Variants in ALK observed in about 807,000 individuals in gnomAD.
ALK encodes the protein ALK receptor tyrosine kinase, also known as ALK tyrosine kinase receptor.
A neutral mutation model predicts 163.1 loss-of-function variants in ALK; 74 were observed. The observed-to-expected ratio is 0.45, with a 90% confidence interval of 0.38 to 0.55. The LOEUF (loss-of-function observed/expected upper bound fraction) is 0.55. Among genes scored for constraint, ALK ranks in the 20% least tolerant of loss-of-function variants. The probability of loss-of-function intolerance (pLI) is 0.00; values close to 1 mark genes in which losing one functional copy is unlikely to be tolerated. For synonymous variants in ALK, 960 were observed against 843.2 expected, an observed-to-expected ratio of 1.14 and a Z score of -2.40; for missense variants, 2,063 against 2,105.3, an observed-to-expected ratio of 0.98 and a Z score of 0.39.
chr2:29,921,572 C>G lies in ALK; in HGVS notation c.-913G>C. The G allele has an allele frequency of 4.3e-6, 1 of 230,978 alleles. No homozygotes were observed. The highest frequency in any genetic ancestry group is 8.6e-6 in the Non-Finnish European group (1 of 116,466). 14.3% of individuals were successfully genotyped at this position (230,978 alleles called of 1,614,324 possible). A position where few individuals can be genotyped will look rare whatever the true frequency, so the allele number is the denominator to read the frequency against. On this transcript the variant is annotated 5_prime_UTR_variant, in exon 1 of 29. Transcript: ENST00000389048. ...CTACCACCGCTGCCGCCCCCAGAGC[C>G]GCTGGATCGCATCTGCCTGGGCGCC...
chr2:29,260,760 G>C (rs897430699), intron 11 of ALK, among the ~76,000 whole-genome samples: 3 of 152,118 alleles, frequency 2.0e-5, no homozygotes, highest in Non-Finnish European at 2.9e-5. Flanking sequence ...CCTGAAGCCA[G>C]GAGGCTGAGG....
At chr2:29,695,094 G>C (rs576904785) in intron 2 of ALK, 80 bp from the exon 3 acceptor site, 1 of 1,550,250 alleles carries the variant, frequency 6.5e-7, no homozygotes, top group South Asian at 1.1e-5. Context: ...CACACTAGGA[G>C]GTTGGCCTTC....
chr2:29,429,831 G>C (rs1056205638), intron 4 of ALK, among the ~76,000 whole-genome samples: 1 of 152,098 alleles, frequency 6.6e-6, no homozygotes, highest in Non-Finnish European at 1.5e-5. Flanking sequence ...ACTTACTGCA[G>C]TGTAATTGCA....
intron 3 of ALK, among the ~76,000 whole-genome samples, chr2:29,539,089 C>A (rs947445419): frequency 6.6e-6 from 1 of 151,930 alleles, no homozygotes; most frequent in Non-Finnish European, 1.5e-5. Flanking sequence ...TTTACCTTGT[C>A]AAGATTGTGT....
Position 29,434,415 on chromosome 2 carries a change from T to A in ALK, c.1155-50556A>T, listed in dbSNP as rs576272613. 2.0e-5 allele frequency among the ~76,000 whole-genome samples: 3 copies of A among 152,316 alleles called. No individual in the cohort carries two copies. In the South Asian group the frequency reaches 6.2e-4, roughly 32 times the overall value. On this transcript the variant is annotated intron_variant, in intron 4 of 28. Transcript: ENST00000389048. ...GTCTCCTGGGAATATCAAATTCATA[T>A]TGATTGTTCTCTGATGCATAATTTG...
chr2:29,267,856 A>G (rs1413996117), intron 11 of ALK, among the ~76,000 whole-genome samples: 1 of 152,226 alleles, frequency 6.6e-6, no homozygotes, highest in East Asian at 1.9e-4. Context: ...GAGAAGAATG[A>G]TAAAAAAGCA....
At chr2:29,889,742 A>AGG (rs1310954348) in intron 1 of ALK, among the ~76,000 whole-genome samples, 10 of 120,476 alleles carry the variant, frequency 8.3e-5, no homozygotes, top group African/African-American at 3.1e-4. Flanking sequence ...AGAGAGAGAG[A>AGG]GAGAGAGAGA....
At position 29,281,167 on chromosome 2, in the gene ALK, G is replaced by T. The variant is rs143782923; in HGVS notation, c.1818-5671C>A. On this transcript the variant is annotated intron_variant, in intron 9 of 28. Transcript: ENST00000389048. Reference sequence around the variant, plus strand: ...GAAGGTTCTGACATATACCAGATGAGCCACCCTGGGTTTGGCTGAAAGAAA... The same window carrying T: ...GAAGGTTCTGACATATACCAGATGATCCACCCTGGGTTTGGCTGAAAGAAA... Among the ~76,000 whole-genome samples the T allele has an allele frequency of 2.8e-3, 424 of 152,324 alleles. 5 individuals carry two copies. Among genetic ancestry groups the T allele is most frequent in the East Asian group, 0.026 (137 of 5,186 alleles).
At position 29,921,580 on chromosome 2, in the gene ALK, C is replaced by T. The variant is rs973788490; in HGVS notation, c.-921G>A. On this transcript the variant is annotated 5_prime_UTR_variant, in exon 1 of 29. Coordinates refer to ENST00000389048, the MANE Select transcript of ALK (RefSeq NM_004304.5). ...GCTGCCGCCCCCAGAGCCGCTGGAT[C>T]GCATCTGCCTGGGCGCCCGCCACTT... is the stretch of plus-strand genomic sequence containing the variant. 8.7e-6 allele frequency: 2 copies of T among 230,510 alleles called. No homozygotes were observed. The highest frequency in any genetic ancestry group is 1.7e-5 in the Non-Finnish European group (2 of 116,250). The allele number at this position is 230,510 out of a possible 1,614,324, so 14.3% of individuals were successfully genotyped here.
chr2:29,613,002 C>T (rs902455955), intron 3 of ALK, among the ~76,000 whole-genome samples: 2 of 152,148 alleles, frequency 1.3e-5, no homozygotes, highest in African/African-American at 4.8e-5. Context: ...ACACACACCA[C>T]GGGGGGTCTG....
intron 4 of ALK, among the ~76,000 whole-genome samples, chr2:29,512,322 G>T (rs1381693944): frequency 6.7e-6 from 1 of 150,100 alleles, no homozygotes; most frequent in Non-Finnish European, 1.5e-5. Context: ...CTTCATCCCT[G>T]GGATGCAAGG....
intron 4 of ALK, among the ~76,000 whole-genome samples, chr2:29,489,915 A>C (rs1215163273): frequency 1.3e-5 from 2 of 152,246 alleles, no homozygotes; most frequent in East Asian, 3.8e-4. Flanking sequence ...ATGCTCACAC[A>C]TGCAGGAAGG....
chr2:29,537,798 A>G (rs1440436953), intron 3 of ALK, among the ~76,000 whole-genome samples: 2 of 152,234 alleles, frequency 1.3e-5, no homozygotes, highest in Non-Finnish European at 2.9e-5. Context: ...GCACACTGCA[A>G]AGTCATAGGG....
intron 4 of ALK, among the ~76,000 whole-genome samples, chr2:29,494,981 C>G (rs10178407): frequency 6.6e-6 from 1 of 151,846 alleles, no homozygotes; most frequent in African/African-American, 2.4e-5. Context: ...ACATAGATAT[C>G]GCTCACCTGC....
At chr2:29,645,970 T>C (rs1676860653) in intron 3 of ALK, among the ~76,000 whole-genome samples, 1 of 152,166 alleles carries the variant, frequency 6.6e-6, no homozygotes. Context: ...GGAAATCTCC[T>C]TCAGTCTCAT....
intron 4 of ALK, among the ~76,000 whole-genome samples, chr2:29,455,081 T>A (rs1459005052): frequency 6.6e-6 from 1 of 152,136 alleles, no homozygotes; most frequent in Non-Finnish European, 1.5e-5. Context: ...CTAATCCAGC[T>A]CTTCACTTCT....
In ALK at chr2:29,810,747, G is replaced by T. The variant is rs148233393; in HGVS notation, c.668-93050C>A. ...CTTATATTAAGAATATATACATTATGGATTGAATTGTGTACCCTCCAAATT... is the reference window on the plus strand; with the variant it reads ...CTTATATTAAGAATATATACATTATTGATTGAATTGTGTACCCTCCAAATT... On this transcript the variant is annotated intron_variant, in intron 1 of 28. Coordinates refer to ENST00000389048, the MANE Select transcript of ALK (RefSeq NM_004304.5). Among the ~76,000 whole-genome samples, 7 of 152,196 alleles carry T rather than the reference G, an allele frequency of 4.6e-5. No individual in the cohort carries two copies. The East Asian group carries it at 1.4e-3, about 29-fold the overall frequency.
chr2:29,454,711 T>A (rs1573368709), intron 4 of ALK, among the ~76,000 whole-genome samples: 1 of 151,882 alleles, frequency 6.6e-6, no homozygotes, highest in South Asian at 2.1e-4. Context: ...ACCAAAAACC[T>A]TAATTTTGAG....
At chr2:29,415,361 C>G (rs1558314340) in intron 4 of ALK, among the ~76,000 whole-genome samples, 1 of 152,006 alleles carries the variant, frequency 6.6e-6, no homozygotes, top group Non-Finnish European at 1.5e-5. Flanking sequence ...GGTTGGCATT[C>G]AAACTCATTA....
Sources: gnomAD v4.1 joint callset for allele counts (sites outside exome capture counted in the v4.1 genomes callset) on GRCh38, gnomAD v4.1.1 for gene constraint, MANE v1.5 for transcripts, NCBI Gene and HGNC (gene_info 2026-07-23, HGNC 2026-07-21) for gene names.